Variants in SLIT3 observed in about 807,000 individuals in gnomAD.
The protein encoded by SLIT3 is slit homolog 3 protein.
A neutral mutation model predicts 184.0 loss-of-function variants in SLIT3; 68 were observed. The observed-to-expected ratio is 0.37, with a 90% CI of 0.30 to 0.45. The LOEUF (loss-of-function observed/expected upper bound fraction) is 0.45. Ranked by LOEUF, SLIT3 falls within the 20% of genes least tolerant of loss-of-function variation. The probability of loss-of-function intolerance (pLI) is 1.00; values close to 1 mark genes in which losing one functional copy is unlikely to be tolerated. For synonymous variants in SLIT3, 831 were observed against 828.6 expected, an observed-to-expected ratio of 1.00 and a Z score of -0.05; for missense variants, 1,707 against 2,026.0, an observed-to-expected ratio of 0.84 and a Z score of 3.02.
chr5:168,816,012 C>T (rs1489117439), intron 8 of SLIT3, among the ~76,000 whole-genome samples: 1 of 152,164 alleles, frequency 6.6e-6, no homozygotes, highest in Non-Finnish European at 1.5e-5. Context: ...ATCAAAATAC[C>T]TCTTTGGGAA....
intron 29 of SLIT3, among the ~76,000 whole-genome samples, chr5:168,689,186 G>A (rs1370241926): frequency 2.0e-5 from 3 of 152,162 alleles, no homozygotes; most frequent in African/African-American, 4.8e-5. Flanking sequence ...CCTAACAAAC[G>A]CCCATGTGAT....
chr5:168,870,534 T>C (rs1207247425), intron 5 of SLIT3, among the ~76,000 whole-genome samples: 2 of 152,192 alleles, frequency 1.3e-5, no homozygotes, highest in African/African-American at 2.4e-5. Context: ...CCTGGCATTA[T>C]CCTGATTCTC....
intron 4 of SLIT3, among the ~76,000 whole-genome samples, chr5:169,072,227 A>G (rs10462979): frequency 0.038 from 5,841 of 152,250 alleles, 364 homozygotes; most frequent in East Asian, 0.23. Context: ...AGCAGAGAAT[A>G]ATGATAAGCT....
In SLIT3 at chr5:168,786,951, T is replaced by C. The variant is rs146072742; in HGVS notation, c.1080-973A>G. On this transcript the variant is annotated intron_variant, in intron 11 of 35. Transcript: ENST00000519560. ...AGAGCCCTGAAGTGCACTGAATGCA[T>C]GCAATATTCAATTTTCACTCGGATC... 5.1e-3 allele frequency among the ~76,000 whole-genome samples: 781 copies of C among 152,272 alleles called. 6 individuals are homozygous for C. Among genetic ancestry groups the C allele is most frequent in the Non-Finnish European group, 9.3e-3 (635 of 68,022 alleles).
At chr5:168,851,156 T>C (rs1758657943) in intron 5 of SLIT3, among the ~76,000 whole-genome samples, 1 of 151,994 alleles carries the variant, frequency 6.6e-6, no homozygotes, top group Non-Finnish European at 1.5e-5. Flanking sequence ...ACCCGATCTC[T>C]ACTGAAAATA....
chr5:169,152,281 A>G (rs1442885435), intron 4 of SLIT3, among the ~76,000 whole-genome samples: 2 of 152,224 alleles, frequency 1.3e-5, no homozygotes, highest in Non-Finnish European at 2.9e-5. Flanking sequence ...GAGAAAGTCA[A>G]CAACTGAAAT....
intron 4 of SLIT3, among the ~76,000 whole-genome samples, chr5:169,098,687 G>A (rs1759885762): frequency 6.6e-6 from 1 of 152,214 alleles, no homozygotes; most frequent in African/African-American, 2.4e-5. Flanking sequence ...TCAAATGACA[G>A]GAGGGTTAAG....
chr5:168,877,010 A>G (rs1759755407), intron 5 of SLIT3, among the ~76,000 whole-genome samples: 1 of 152,240 alleles, frequency 6.6e-6, no homozygotes. Context: ...GAACAAAGTC[A>G]TTCTTTCAAT....
At chr5:168,759,500 T>TGGG (rs1755066346) in intron 16 of SLIT3, among the ~76,000 whole-genome samples, 3 of 152,172 alleles carry the variant, frequency 2.0e-5, no homozygotes, top group African/African-American at 7.2e-5. Flanking sequence ...CCTTCGGCAG[T>TGGG]ATGTCTGGGG....
chr5:169,056,324 T>C (rs1758000571), intron 4 of SLIT3, among the ~76,000 whole-genome samples: 1 of 152,044 alleles, frequency 6.6e-6, no homozygotes, highest in South Asian at 2.1e-4. Context: ...GCAAGAAAAA[T>C]TGTAGAGTCC....
chr5:168,966,888 T>C (rs1763213590), intron 4 of SLIT3, among the ~76,000 whole-genome samples: 2 of 152,220 alleles, frequency 1.3e-5, no homozygotes, highest in South Asian at 2.1e-4. Flanking sequence ...TGTCTTTCAG[T>C]TGAGCAATTT....
intron 20 of SLIT3, among the ~76,000 whole-genome samples, chr5:168,733,886 A>T (rs546466067): frequency 1.3e-5 from 2 of 152,318 alleles, no homozygotes; most frequent in African/African-American, 4.8e-5. Context: ...CTTTTGCAGC[A>T]ATGTGGATGG....
At chr5:169,095,881 C>A (rs1055411709) in intron 4 of SLIT3, among the ~76,000 whole-genome samples, 1 of 152,154 alleles carries the variant, frequency 6.6e-6, no homozygotes, top group Non-Finnish European at 1.5e-5. Flanking sequence ...ACAAACAATA[C>A]TTTTTAAAAC....
intron 4 of SLIT3, among the ~76,000 whole-genome samples, chr5:168,990,996 G>A (rs1172921123): frequency 6.6e-6 from 1 of 152,126 alleles, no homozygotes; most frequent in Non-Finnish European, 1.5e-5. Context: ...GGATGGGAAT[G>A]GTCATCTTCA....
intron 4 of SLIT3, among the ~76,000 whole-genome samples, chr5:168,946,586 C>A (rs1226548303): frequency 6.6e-6 from 1 of 152,200 alleles, no homozygotes; most frequent in African/African-American, 2.4e-5. Context: ...TGGCAGGGAC[C>A]ACCTGGCTCC....
At chr5:168,806,417 T>G in intron 9 of SLIT3, 29 bp downstream of exon 9, 3 of 1,613,718 alleles carry the variant, frequency 1.9e-6, no homozygotes, top group Non-Finnish European at 2.5e-6. Flanking sequence ...CGGCGACAGT[T>G]GTTGGGGGTG....
intron 32 of SLIT3, among the ~76,000 whole-genome samples, chr5:168,679,329 G>A (rs1761510100): frequency 6.6e-6 from 1 of 152,178 alleles, no homozygotes; most frequent in Admixed American, 6.5e-5. Flanking sequence ...GAATGCTGGA[G>A]TTACAGGCGT....
At chr5:168,760,744 G>C in intron 16 of SLIT3, 118 bp downstream of exon 16, 2 of 735,122 alleles carry the variant, frequency 2.7e-6, no homozygotes, top group African/African-American at 1.7e-5. Context: ...TGAGGAGAAG[G>C]CTGGGAGGGA....
chr5:168,901,204 C>G (rs1760858471), intron 4 of SLIT3, among the ~76,000 whole-genome samples: 1 of 151,996 alleles, frequency 6.6e-6, no homozygotes, highest in Non-Finnish European at 1.5e-5. Context: ...ACTAAAAACA[C>G]AAAAACAAAA....
Sources: gnomAD v4.1 joint callset for allele counts (sites outside exome capture counted in the v4.1 genomes callset) on GRCh38, gnomAD v4.1.1 for gene constraint, MANE v1.5 for transcripts, NCBI Gene and HGNC (gene_info 2026-07-23, HGNC 2026-07-21) for gene names.